The following RAD51B variants were observed in gnomAD, a reference collection of about 807,000 sequenced individuals.
RAD51B encodes the protein RAD51 paralog B.
RAD51B carries 38 observed loss-of-function variants against 42.2 expected under a neutral mutation model. The ratio of observed to expected loss-of-function variants is 0.90; its 90% CI spans 0.70 to 1.18. The LOEUF is 1.18. RAD51B is among the 50% of genes most tolerant of loss of function. The pLI, the probability that RAD51B is intolerant of heterozygous loss-of-function variation, is 0.00. For synonymous variants in RAD51B, 154 were observed against 145.2 expected (o/e 1.06, Z -0.43); for missense variants, 373 against 400.7 (o/e 0.93, Z 0.59).
intron 7 of RAD51B, among the ~76,000 whole-genome samples, chr14:68,029,643 A>C (rs887891024): frequency 4.6e-5 from 7 of 152,186 alleles, no homozygotes; most frequent in African/African-American, 1.4e-4. Context: ...AAACTCCTCA[A>C]AGTAATGCAT....
At chr14:67,926,558 C>CTTTTTT (rs534207569) in intron 7 of RAD51B, among the ~76,000 whole-genome samples, 40 of 85,126 alleles carry the variant, frequency 4.7e-4, no homozygotes, top group Non-Finnish European at 5.1e-4. Flanking sequence ...GATATGTTTC[C>CTTTTTT]TTTTTTTTTT....
At chr14:68,391,075 G>T (rs1477070175) in intron 8 of RAD51B, among the ~76,000 whole-genome samples, 6 of 152,168 alleles carry the variant, frequency 3.9e-5, no homozygotes, top group Non-Finnish European at 8.8e-5. Flanking sequence ...TTTAGGATAT[G>T]TTCACAAGAT....
At chr14:68,639,526 A>T (rs558452468) in intron 10 of RAD51B, among the ~76,000 whole-genome samples, 2 of 152,306 alleles carry the variant, frequency 1.3e-5, no homozygotes, top group Middle Eastern at 6.8e-3. Context: ...AGGGACAGGG[A>T]CTGTGATCTG....
chr14:68,398,674 T>C (rs1001362707), intron 8 of RAD51B, among the ~76,000 whole-genome samples: 1 of 152,120 alleles, frequency 6.6e-6, no homozygotes, highest in Admixed American at 6.5e-5. Flanking sequence ...CTTCTCTCTA[T>C]TCCTCTTGGG....
intron 7 of RAD51B, among the ~76,000 whole-genome samples, chr14:68,228,063 A>C (rs1037994671): frequency 1.3e-5 from 2 of 152,132 alleles, no homozygotes; most frequent in African/African-American, 4.8e-5. Context: ...CCCCTTTTAT[A>C]CCTGAAAAAA....
chr14:68,658,490 A>C (rs566086782), intron 11 of RAD51B, among the ~76,000 whole-genome samples: 11 of 152,354 alleles, frequency 7.2e-5, no homozygotes, highest in African/African-American at 2.6e-4. Flanking sequence ...CAGCCGTCAT[A>C]GTGCCAAGGA....
intron 7 of RAD51B, among the ~76,000 whole-genome samples, chr14:68,179,134 G>A (rs2079012882): frequency 6.6e-6 from 1 of 152,102 alleles, no homozygotes; most frequent in Non-Finnish European, 1.5e-5. Flanking sequence ...GAAGATAAAG[G>A]AACTGCTTTC....
At chr14:67,979,965 GATAAA>G (rs978284706) in intron 7 of RAD51B, among the ~76,000 whole-genome samples, 3 of 152,106 alleles carry the variant, frequency 2.0e-5, no homozygotes, top group Non-Finnish European at 2.9e-5. Flanking sequence ...TAGTAGAGAT[GATAAA>G]ATAAATTCTA....
intron 10 of RAD51B, among the ~76,000 whole-genome samples, chr14:68,618,467 C>T (rs1891871862): frequency 6.6e-6 from 1 of 152,194 alleles, no homozygotes; most frequent in Non-Finnish European, 1.5e-5. Flanking sequence ...ACTATTCCTT[C>T]CTCTTGACCC....
exon 11 of RAD51B, chr14:68,594,958 AC>A: frequency 3.7e-6 from 4 of 1,078,610 alleles, no homozygotes; most frequent in Non-Finnish European, 4.5e-6. Flanking sequence ...GAACTAAGGC[AC>A]CCCGCCACCC....
intron 10 of RAD51B, among the ~76,000 whole-genome samples, chr14:68,586,152 C>T (rs537703793): frequency 6.6e-5 from 10 of 152,230 alleles, no homozygotes; most frequent in African/African-American, 2.4e-4. Context: ...CCGAGGCTGG[C>T]ACGGAGAGGC....
intron 7 of RAD51B, among the ~76,000 whole-genome samples, chr14:68,213,397 C>T (rs2079751408): frequency 6.6e-6 from 1 of 152,152 alleles, no homozygotes; most frequent in African/African-American, 2.4e-5. Context: ...GGCAGAGGAC[C>T]ATTTGTCTAT....
intron 9 of RAD51B, among the ~76,000 whole-genome samples, chr14:68,463,671 G>A (rs988070976): frequency 6.6e-6 from 1 of 152,084 alleles, no homozygotes; most frequent in Non-Finnish European, 1.5e-5. Flanking sequence ...TAATATTATA[G>A]AATCTTCAGG....
intron 10 of RAD51B, among the ~76,000 whole-genome samples, chr14:68,515,910 C>T (rs1220101765): frequency 1.3e-5 from 2 of 151,778 alleles, no homozygotes; most frequent in Non-Finnish European, 2.9e-5. Flanking sequence ...CTCAGCCTCC[C>T]GAGTAGCTGG....
intron 10 of RAD51B, among the ~76,000 whole-genome samples, chr14:68,623,537 C>T (rs1033250218): frequency 3.9e-5 from 6 of 152,218 alleles, no homozygotes; most frequent in African/African-American, 1.4e-4. Context: ...CTCATCCTGC[C>T]AAGCTGTGCC....
chr14:68,663,600 T>C (rs1892977775), intron 11 of RAD51B, among the ~76,000 whole-genome samples: 1 of 152,222 alleles, frequency 6.6e-6, no homozygotes, highest in Admixed American at 6.5e-5. Flanking sequence ...TAAATTCTGC[T>C]CAATTACCCC....
intron 8 of RAD51B, among the ~76,000 whole-genome samples, chr14:68,300,972 G>GTA (rs2081720793): frequency 6.6e-6 from 1 of 152,162 alleles, no homozygotes; most frequent in South Asian, 2.1e-4. Flanking sequence ...ATGATTTACG[G>GTA]TATACAAGAG....
chr14:68,406,223 T>C (rs2084270417), intron 8 of RAD51B, among the ~76,000 whole-genome samples: 1 of 152,192 alleles, frequency 6.6e-6, no homozygotes, highest in Admixed American at 6.5e-5. Context: ...CACTTAACAA[T>C]GAAGATGGGT....
At chr14:68,299,303 C>T (rs757644939) in intron 8 of RAD51B, among the ~76,000 whole-genome samples, 1 of 152,028 alleles carries the variant, frequency 6.6e-6, no homozygotes, top group Non-Finnish European at 1.5e-5. Flanking sequence ...GTTGGCCCTC[C>T]TTATCCATGA....
Sources: gnomAD v4.1 joint callset for allele counts (sites outside exome capture counted in the v4.1 genomes callset) on GRCh38, gnomAD v4.1.1 for gene constraint, MANE v1.5 for transcripts, NCBI Gene and HGNC (gene_info 2026-07-23, HGNC 2026-07-21) for gene names.